Variants in CNTN1 observed in about 807,000 individuals in gnomAD.
CNTN1 encodes the protein contactin-1.
In CNTN1, 38 loss-of-function variants were observed where a neutral mutation model predicts 126.4. The observed-to-expected ratio is 0.30, with a 90% CI of 0.23 to 0.39. The LOEUF is 0.39. CNTN1 is among the 10% of genes least tolerant of loss of function. CNTN1 has a pLI of 1.00. For missense variants in CNTN1, 1,009 were observed against 1,248.4 expected, an observed-to-expected ratio of 0.81 and a Z score of 2.89; for synonymous variants, 413 against 422.6, an observed-to-expected ratio of 0.98 and a Z score of 0.28.
At chr12:40,758,153 C>T (rs1388866781) in intron 1 of CNTN1, among the ~76,000 whole-genome samples, 5 of 150,218 alleles carry the variant, frequency 3.3e-5, no homozygotes, top group Non-Finnish European at 7.4e-5. Context: ...TGTTGCTGCC[C>T]TATTTTTATA....
intron 1 of CNTN1, among the ~76,000 whole-genome samples, chr12:40,840,140 G>T (rs1942218807): frequency 6.6e-6 from 1 of 151,770 alleles, no homozygotes; most frequent in African/African-American, 2.4e-5. Context: ...TGAAAGTAAA[G>T]GAATGGAAAA....
At chr12:40,964,738 A>G (rs1396451759) in intron 15 of CNTN1, among the ~76,000 whole-genome samples, 1 of 152,136 alleles carries the variant, frequency 6.6e-6, no homozygotes, top group Non-Finnish European at 1.5e-5. Context: ...AACCACTTTT[A>G]AACTCTTGGA....
chr12:40,778,436 T>C (rs1384173274), intron 1 of CNTN1, among the ~76,000 whole-genome samples: 6 of 151,856 alleles, frequency 4.0e-5, no homozygotes, highest in Non-Finnish European at 8.8e-5. Context: ...AAGAACAAAG[T>C]ATTTATCTGG....
At chr12:40,719,779 T>A (rs914165653) in intron 1 of CNTN1, among the ~76,000 whole-genome samples, 10 of 151,942 alleles carry the variant, frequency 6.6e-5, no homozygotes, top group Admixed American at 6.6e-4. Flanking sequence ...GTTAAAAGAG[T>A]AGAGTTTGTT....
intron 1 of CNTN1, among the ~76,000 whole-genome samples, chr12:40,752,718 A>G (rs1469834743): frequency 6.6e-6 from 1 of 152,128 alleles, no homozygotes; most frequent in Non-Finnish European, 1.5e-5. Flanking sequence ...TGGTTTCACA[A>G]AAGTTAAAGA....
At chr12:40,709,241 G>A (rs12372385) in intron 1 of CNTN1, among the ~76,000 whole-genome samples, 32,656 of 152,104 alleles carry the variant, frequency 0.21, 3,646 homozygotes, top group Middle Eastern at 0.28. Flanking sequence ...TGGGTGACCA[G>A]GTGCATTGTC....
chr12:40,780,526 A>T (rs1396409462), intron 1 of CNTN1, among the ~76,000 whole-genome samples: 1 of 151,768 alleles, frequency 6.6e-6, no homozygotes, highest in African/African-American at 2.4e-5. Flanking sequence ...ATAAAATTTG[A>T]AAGTCTTTCT....
At chr12:40,824,952 A>T (rs1323970028) in intron 1 of CNTN1, among the ~76,000 whole-genome samples, 1 of 152,172 alleles carries the variant, frequency 6.6e-6, no homozygotes, top group Non-Finnish European at 1.5e-5. Context: ...TTAATTATCT[A>T]ATTTAAATAT....
At chr12:40,736,567 A>C (rs997542664) in intron 1 of CNTN1, among the ~76,000 whole-genome samples, 2 of 152,116 alleles carry the variant, frequency 1.3e-5, no homozygotes, top group Admixed American at 1.3e-4. Flanking sequence ...GATTACTTGG[A>C]AAGTAAATAT....
intron 19 of CNTN1, among the ~76,000 whole-genome samples, chr12:41,020,087 T>A (rs989331874): frequency 2.0e-5 from 3 of 152,126 alleles, no homozygotes; most frequent in Non-Finnish European, 4.4e-5. Context: ...TGTGTATATG[T>A]CTATATTAAC....
intron 1 of CNTN1, among the ~76,000 whole-genome samples, chr12:40,891,996 T>G (rs1203494756): frequency 6.6e-6 from 1 of 152,142 alleles, no homozygotes; most frequent in Admixed American, 6.5e-5. Context: ...ATCTTGACAA[T>G]TTTGAATTTC....
At chr12:41,035,756 G>A (rs1434152041) in intron 23 of CNTN1, among the ~76,000 whole-genome samples, 4 of 152,152 alleles carry the variant, frequency 2.6e-5, no homozygotes, top group Non-Finnish European at 4.4e-5. Context: ...GGAAGAGCTT[G>A]TCATGTCAAG....
intron 14 of CNTN1, among the ~76,000 whole-genome samples, chr12:40,957,447 CT>C (rs34057125): frequency 0.52 from 74,089 of 143,234 alleles, 19,228 homozygotes; most frequent in African/African-American, 0.64. Flanking sequence ...TTTACCCTAC[CT>C]TTTTTTTTTT....
chr12:40,828,771 G>A (rs193216443), intron 1 of CNTN1, among the ~76,000 whole-genome samples: 34 of 152,280 alleles, frequency 2.2e-4, no homozygotes, highest in Admixed American at 1.4e-3. Context: ...CTCAAATACT[G>A]TGTTGCATAC....
At chr12:41,013,155 G>T (rs1403062977) in intron 17 of CNTN1, among the ~76,000 whole-genome samples, 6 of 152,164 alleles carry the variant, frequency 3.9e-5, no homozygotes, top group Non-Finnish European at 8.8e-5. Flanking sequence ...TGTTTACATA[G>T]TGCGTGGGGA....
chr12:40,744,052 CAT>C lies in CNTN1; in HGVS notation c.-77+51461_-77+51462del, dbSNP rs200842048. On this transcript the variant is annotated intron_variant, in intron 1 of 23. Coordinates refer to ENST00000551295, the MANE Select transcript of CNTN1 (RefSeq NM_001843.4). Reference sequence around the variant, plus strand: ...CACAGCAACAGAAAACCAAACACCACATGTTTTCACTTATAAGTGGAAGCTGA... The same window carrying C: ...CACAGCAACAGAAAACCAAACACCACGTTTTCACTTATAAGTGGAAGCTGA... Among the ~76,000 whole-genome samples the C allele has an allele frequency of 5.8e-3, 888 of 152,110 alleles. 5 individuals carry two copies. Among genetic ancestry groups the C allele is most frequent in the African/African-American group, 0.021 (857 of 41,522 alleles).
At position 40,950,853 on chromosome 12, in the gene CNTN1, A is replaced by G. The variant is rs564840906; in HGVS notation, c.1683+6683A>G. On this transcript the variant is annotated intron_variant, in intron 14 of 23. Transcript: ENST00000551295. ...ACCATGTTAGCTGATGTCACTCTCT[A>G]GCCTAACTTCTCATAGTCCTTACTA... Among the ~76,000 whole-genome samples, 3 of 152,176 alleles carry G rather than the reference A, an allele frequency of 2.0e-5. No individual in the cohort carries two copies. In the Middle Eastern group the frequency reaches 0.01, roughly 518 times the overall value.
chr12:40,911,657 C>A (rs1453272049), intron 3 of CNTN1, among the ~76,000 whole-genome samples: 1 of 152,180 alleles, frequency 6.6e-6, no homozygotes, highest in African/African-American at 2.4e-5. Context: ...CCTACTTAAC[C>A]GGCTGGCAGC....
intron 15 of CNTN1, chr12:40,971,870 A>C: frequency 9.2e-7 from 1 of 1,085,660 alleles, no homozygotes; most frequent in Non-Finnish European, 1.1e-6. Context: ...ATAATACAGG[A>C]GTATTGCCAT....
Sources: allele counts gnomAD v4.1 joint callset (sites outside exome capture counted in the v4.1 genomes callset), GRCh38; gene constraint gnomAD v4.1.1; transcripts MANE v1.5; gene names NCBI Gene and HGNC (gene_info 2026-07-23, HGNC 2026-07-21).